TAFA1: variants seen among roughly 807,000 people sequenced by gnomAD.
TAFA1 encodes the protein chemokine-like protein TAFA-1.
Under a neutral mutation model 18.5 loss-of-function variants are expected in TAFA1, and 4 were observed. The ratio of observed to expected loss-of-function variants is 0.22; its 90% CI spans 0.11 to 0.49. The LOEUF is 0.49. Among genes scored for constraint, TAFA1 ranks in the 20% least tolerant of loss-of-function variants. The pLI, the probability that TAFA1 is intolerant of heterozygous loss-of-function variation, is 0.98. For missense variants in TAFA1, 147 were observed against 169.0 expected (o/e 0.87, Z 0.72); for synonymous variants, 56 against 55.2 (o/e 1.01, Z -0.06).
chr3:68,134,372 T>G (rs2065581379), intron 2 of TAFA1, among the ~76,000 whole-genome samples: 1 of 152,178 alleles, frequency 6.6e-6, no homozygotes, highest in South Asian at 2.1e-4. Context: ...TGTGTGTGTG[T>G]ATACATATTA....
At chr3:68,347,279 C>A (rs541026037) in intron 2 of TAFA1, among the ~76,000 whole-genome samples, 1 of 152,286 alleles carries the variant, frequency 6.6e-6, no homozygotes, top group South Asian at 2.1e-4. Context: ...TACAACACCT[C>A]TTCCCTCTCT....
At chr3:68,236,831 T>A (rs1287301752) in intron 2 of TAFA1, among the ~76,000 whole-genome samples, 2 of 152,152 alleles carry the variant, frequency 1.3e-5, no homozygotes, top group African/African-American at 2.4e-5. Context: ...TTGGCTGGAG[T>A]AGCACCTTCT....
intron 2 of TAFA1, among the ~76,000 whole-genome samples, chr3:68,393,431 T>C (rs2070304550): frequency 6.7e-6 from 1 of 150,004 alleles, no homozygotes; most frequent in Non-Finnish European, 1.5e-5. Context: ...TCTACCAGAC[T>C]TTCAAAGAGA....
intron 2 of TAFA1, among the ~76,000 whole-genome samples, chr3:68,128,731 A>G (rs1045450334): frequency 3.9e-5 from 6 of 152,214 alleles, no homozygotes; most frequent in African/African-American, 1.4e-4. Context: ...TTTAGCCATC[A>G]GCAACTAAGT....
chr3:68,030,729 G>A (rs915881733), intron 2 of TAFA1, among the ~76,000 whole-genome samples: 2 of 152,128 alleles, frequency 1.3e-5, no homozygotes, highest in Non-Finnish European at 1.5e-5. Context: ...AAACCTGTGT[G>A]TATGTGTCTT....
intron 3 of TAFA1, among the ~76,000 whole-genome samples, chr3:68,473,290 G>A (rs900549981): frequency 1.4e-4 from 21 of 152,114 alleles, no homozygotes; most frequent in African/African-American, 4.6e-4. Context: ...GATATACAGT[G>A]GTAAGCTTCT....
intron 2 of TAFA1, among the ~76,000 whole-genome samples, chr3:68,305,928 C>G (rs1379183684): frequency 1.3e-5 from 2 of 152,060 alleles, no homozygotes; most frequent in African/African-American, 4.8e-5. Flanking sequence ...ATTAAATGAG[C>G]AAATACAGCA....
In TAFA1 at chr3:68,443,050, A is replaced by G. The variant is rs1258699773; in HGVS notation, c.259+25630A>G. ...TATCGTGGCTCTGTTATATATGACT[A>G]CAAAAGGCATCCACATCAAGTGGCA... is the stretch of plus-strand genomic sequence containing the variant. On this transcript the variant is annotated intron_variant, in intron 3 of 4. Transcript: ENST00000478136. 2.6e-5 allele frequency among the ~76,000 whole-genome samples: 4 copies of G among 152,128 alleles called. No homozygotes were observed. The East Asian group carries it at 7.7e-4, about 29-fold the overall frequency.
At chr3:68,245,089 G>A (rs2067051035) in intron 2 of TAFA1, among the ~76,000 whole-genome samples, 2 of 152,134 alleles carry the variant, frequency 1.3e-5, no homozygotes, top group Non-Finnish European at 2.9e-5. Context: ...TTAAAAATAC[G>A]TTTTTTCTAT....
At chr3:68,058,617 A>G (rs577303902) in intron 2 of TAFA1, among the ~76,000 whole-genome samples, 29 of 152,310 alleles carry the variant, frequency 1.9e-4, no homozygotes, top group South Asian at 1.0e-3. Context: ...TTTTGAAAAT[A>G]TAATAAGTTT....
intron 2 of TAFA1, among the ~76,000 whole-genome samples, chr3:68,040,430 A>G (rs1705139337): frequency 6.6e-6 from 1 of 152,168 alleles, no homozygotes; most frequent in Admixed American, 6.5e-5. Context: ...TCAACTGAGT[A>G]GAGTCAAGAA....
At chr3:68,070,005 G>T (rs114938511) in intron 2 of TAFA1, among the ~76,000 whole-genome samples, 205 of 152,282 alleles carry the variant, frequency 1.3e-3, no homozygotes, top group Non-Finnish European at 2.3e-3. Context: ...CCAGGCGCAT[G>T]GTGCAAGGTG....
chr3:68,384,096 G>T (rs552902680), intron 2 of TAFA1, among the ~76,000 whole-genome samples: 1 of 151,862 alleles, frequency 6.6e-6, no homozygotes, highest in Admixed American at 6.6e-5. Flanking sequence ...CTAGCTAGTG[G>T]TAGAGGTATT....
At chr3:68,158,178 T>G (rs1044749101) in intron 2 of TAFA1, among the ~76,000 whole-genome samples, 4 of 152,152 alleles carry the variant, frequency 2.6e-5, no homozygotes, top group Non-Finnish European at 5.9e-5. Flanking sequence ...GGCCTTCAGA[T>G]TTTGGCAAAT....
At chr3:68,355,887 C>G (rs1421320778) in intron 2 of TAFA1, among the ~76,000 whole-genome samples, 8 of 151,918 alleles carry the variant, frequency 5.3e-5, no homozygotes, top group Admixed American at 2.6e-4. Flanking sequence ...AGTTGTACGG[C>G]AAACTGGTAG....
intron 3 of TAFA1, among the ~76,000 whole-genome samples, chr3:68,536,403 T>C (rs1392433006): frequency 1.3e-5 from 2 of 152,188 alleles, no homozygotes; most frequent in Non-Finnish European, 2.9e-5. Context: ...CTTTGTGTTG[T>C]GAGACTTAAA....
chr3:68,291,446 G>C (rs2068106687), intron 2 of TAFA1, among the ~76,000 whole-genome samples: 1 of 152,014 alleles, frequency 6.6e-6, no homozygotes, highest in African/African-American at 2.4e-5. Flanking sequence ...TAGTATTGCA[G>C]ATCCCATTTA....
chr3:68,108,410 T>C (rs1194102205), intron 2 of TAFA1, among the ~76,000 whole-genome samples: 3 of 151,360 alleles, frequency 2.0e-5, no homozygotes, highest in South Asian at 4.2e-4. Context: ...AAAGCCAAGA[T>C]AGTAGGAAAG....
intron 2 of TAFA1, among the ~76,000 whole-genome samples, chr3:68,368,864 C>T (rs990732049): frequency 2.0e-5 from 3 of 152,144 alleles, no homozygotes; most frequent in East Asian, 1.9e-4. Flanking sequence ...ATTCTGAATT[C>T]GTTGCTTATA....
Sources: gnomAD v4.1 joint callset for allele counts (sites outside exome capture counted in the v4.1 genomes callset) on GRCh38, gnomAD v4.1.1 for gene constraint, MANE v1.5 for transcripts, NCBI Gene and HGNC (gene_info 2026-07-23, HGNC 2026-07-21) for gene names.